Variants in CSMD2 observed in about 807,000 individuals in gnomAD.
CSMD2 encodes the protein CUB and Sushi multiple domains 2.
Under a neutral mutation model 398.5 loss-of-function variants are expected in CSMD2, and 130 were observed. The observed-to-expected ratio is 0.33, with a 90% CI of 0.28 to 0.38. The LOEUF (loss-of-function observed/expected upper bound fraction) is 0.38, where lower values mean the gene tolerates loss of function less well. Among genes scored for constraint, CSMD2 ranks in the 10% least tolerant of loss-of-function variants. CSMD2 has a pLI of 1.00. For synonymous variants in CSMD2, 1,828 were observed against 1,908.5 expected (o/e 0.96, Z 1.10); for missense variants, 3,829 against 4,764.9 (o/e 0.80, Z 5.78).
At chr1:33,792,401 C>T in intron 11 of CSMD2, 22 bp downstream of exon 11, 1 of 1,572,972 alleles carries the variant, frequency 6.4e-7, no homozygotes, top group Non-Finnish European at 8.8e-7. Context: ...ACCTTCCAAA[C>T]AACATGCCCC....
At chr1:34,159,334 C>T (rs1031751143) in intron 1 of CSMD2, among the ~76,000 whole-genome samples, 1 of 70,214 alleles carries the variant, frequency 1.4e-5, no homozygotes, top group South Asian at 4.8e-4. Flanking sequence ...GCCTGCCCCC[C>T]CCCCACCCAG....
chr1:33,577,744 T>C (rs1638391051), intron 48 of CSMD2, among the ~76,000 whole-genome samples: 1 of 152,168 alleles, frequency 6.6e-6, no homozygotes, highest in East Asian at 1.9e-4. Flanking sequence ...CCTTTTGCGG[T>C]CCAAAGGTAG....
At chr1:33,750,555 A>T (rs1284081002) in intron 13 of CSMD2, among the ~76,000 whole-genome samples, 1 of 152,222 alleles carries the variant, frequency 6.6e-6, no homozygotes, top group Admixed American at 6.5e-5. Context: ...CTCCCAGAGG[A>T]GGAAGGGCTT....
At chr1:34,053,925 C>T (rs886970949) in intron 2 of CSMD2, among the ~76,000 whole-genome samples, 16 of 152,112 alleles carry the variant, frequency 1.1e-4, no homozygotes, top group African/African-American at 3.1e-4. Flanking sequence ...TAGCAGCCTG[C>T]GGCAGAGCTA....
chr1:34,012,949 G>A lies in CSMD2; in HGVS notation c.517+19645C>T, dbSNP rs191421524. ...GCTTGTCTGCATTTTGTTTTCCTGG[G>A]GTTCCCATCTGCAATGGGCCAGCAA... On this transcript the variant is annotated intron_variant, in intron 3 of 70. Transcript: ENST00000373381. Among the ~76,000 whole-genome samples, 10 of 152,212 alleles carry A rather than the reference G, an allele frequency of 6.6e-5. No individual in the cohort carries two copies. The East Asian group carries it at 1.7e-3, about 26-fold the overall frequency.
At chr1:34,014,367 C>G (rs766146098) in intron 3 of CSMD2, among the ~76,000 whole-genome samples, 1 of 152,240 alleles carries the variant, frequency 6.6e-6, no homozygotes, top group African/African-American at 2.4e-5. Context: ...AATGTAAAGG[C>G]TGTGTGTGAC....
chr1:33,784,920 C>T (rs1309291279), intron 12 of CSMD2, among the ~76,000 whole-genome samples: 1 of 152,188 alleles, frequency 6.6e-6, no homozygotes, highest in Non-Finnish European at 1.5e-5. Context: ...AAGACTCAAG[C>T]TTACACAGCT....
chr1:33,577,145 T>C (rs1240632729), intron 49 of CSMD2, 151 bp downstream of exon 49: 4 of 692,258 alleles, frequency 5.8e-6, no homozygotes, highest in Non-Finnish European at 7.0e-6. Flanking sequence ...CTGAGATTGC[T>C]ACGCACTACA....
At chr1:33,607,868 G>A (rs868443782) in intron 41 of CSMD2, among the ~76,000 whole-genome samples, 7 of 152,208 alleles carry the variant, frequency 4.6e-5, no homozygotes, top group South Asian at 2.1e-4. Flanking sequence ...ATTGGATGTC[G>A]CTGTGCCTCT....
chr1:33,912,924 C>T (rs1370479815), intron 5 of CSMD2, among the ~76,000 whole-genome samples: 2 of 152,166 alleles, frequency 1.3e-5, no homozygotes, highest in African/African-American at 2.4e-5. Context: ...GTGATCCTCC[C>T]ACCTCAGCCT....
intron 10 of CSMD2, among the ~76,000 whole-genome samples, chr1:33,802,061 C>T (rs971876118): frequency 6.6e-6 from 1 of 152,156 alleles, no homozygotes; most frequent in Non-Finnish European, 1.5e-5. Context: ...TAAAGTGTCT[C>T]CAAGGCATTT....
At chr1:33,599,958 G>A (rs567322747) in intron 44 of CSMD2, 119 of 593,800 alleles carry the variant, frequency 2.0e-4, no homozygotes, top group Non-Finnish European at 3.1e-4. Flanking sequence ...CAGATACTGC[G>A]GAGGCTGGGT....
Position 33,834,290 on chromosome 1 carries a change from T to C in CSMD2, c.1034-8516A>G, listed in dbSNP as rs1323849998. ...AGTAACCAAAACAGCATGGTACTGG[T>C]ACCAAAACAGAGATATAGATCAATG... On this transcript the variant is annotated intron_variant, in intron 6 of 70. Transcript: ENST00000373381. 2.8e-5 allele frequency among the ~76,000 whole-genome samples: 2 copies of C among 70,274 alleles called. 1 individual carries two copies. Among genetic ancestry groups the C allele is most frequent in the Non-Finnish European group, 4.8e-5 (2 of 41,858 alleles). The allele number at this position is 70,274 out of a possible 152,430, so 46.1% of individuals were successfully genotyped here. A position where few individuals can be genotyped will look rare whatever the true frequency, so the allele number is the denominator to read the frequency against.
chr1:34,162,633 C>A (rs1360113498), intron 1 of CSMD2, among the ~76,000 whole-genome samples: 1 of 151,986 alleles, frequency 6.6e-6, no homozygotes, highest in African/African-American at 2.4e-5. Context: ...CAGAGGCAGG[C>A]GGATCACCTG....
intron 21 of CSMD2, 128 bp downstream of exon 21, chr1:33,714,459 C>CA: frequency 9.1e-7 from 1 of 1,100,478 alleles, no homozygotes; most frequent in East Asian, 2.4e-5. Flanking sequence ...GGTCCCACTG[C>CA]AGGTAAGTGT....
At chr1:33,646,616 TCCTCA>T in intron 29 of CSMD2, 27 bp downstream of exon 29, 1 of 1,609,642 alleles carries the variant, frequency 6.2e-7, no homozygotes, top group Non-Finnish European at 8.5e-7. Context: ...GCTGGACCTG[TCCTCA>T]GTACTCTCTG....
intron 68 of CSMD2, 150 bp downstream of exon 68, chr1:33,521,313 G>A: frequency 1.6e-6 from 1 of 641,022 alleles, no homozygotes; most frequent in East Asian, 2.7e-5. Context: ...GCTTTTGTCA[G>A]AATCTCAAGA....
intron 3 of CSMD2, among the ~76,000 whole-genome samples, chr1:33,954,149 C>G (rs1315536025): frequency 2.0e-5 from 3 of 152,150 alleles, no homozygotes; most frequent in African/African-American, 7.2e-5. Context: ...CTCCTTCAAC[C>G]CCCTCCCCTG....
intron 3 of CSMD2, among the ~76,000 whole-genome samples, chr1:33,994,323 T>G (rs547310596): frequency 6.6e-6 from 1 of 151,930 alleles, no homozygotes; most frequent in South Asian, 2.1e-4. Flanking sequence ...GCAGGCAAAT[T>G]TCATTGAGCT....
Sources: gnomAD v4.1 joint callset for allele counts (sites outside exome capture counted in the v4.1 genomes callset) on GRCh38, gnomAD v4.1.1 for gene constraint, MANE v1.5 for transcripts, NCBI Gene and HGNC (gene_info 2026-07-23, HGNC 2026-07-21) for gene names.